The following FAM78B variants were observed in gnomAD, a reference collection of about 807,000 sequenced individuals.
The protein encoded by FAM78B is family with sequence similarity 78 member B.
FAM78B carries 10 observed loss-of-function variants against 20.0 expected under a neutral mutation model. That is an observed-to-expected ratio of 0.50 (90% CI 0.31 to 0.85). FAM78B has a LOEUF of 0.85. Among genes scored for constraint, FAM78B ranks in the 40% least tolerant of loss-of-function variants. The probability of loss-of-function intolerance (pLI) is 0.05; values close to 1 mark genes in which losing one functional copy is unlikely to be tolerated. For synonymous variants in FAM78B, 135 were observed against 132.8 expected, an observed-to-expected ratio of 1.02 and a Z score of -0.12; for missense variants, 283 against 345.0, an observed-to-expected ratio of 0.82 and a Z score of 1.42.
At position 166,078,927 on chromosome 1, in the gene FAM78B, G is replaced by GTT. The variant is rs11345450; in HGVS notation, c.264-8166_264-8165dup. On this transcript the variant is annotated intron_variant, in intron 1 of 1. Coordinates refer to ENST00000354422, the MANE Select transcript of FAM78B (RefSeq NM_001017961.5). ...GAGGAGCCCTGGCCTGGCCTTACAT[G>GTT]TTTTTTTTTTTTTTTTTCTTTAGAG... is the stretch of plus-strand genomic sequence containing the variant. Among the ~76,000 whole-genome samples, 467 of 135,338 alleles carry GTT rather than the reference G, an allele frequency of 3.5e-3. 3 individuals carry two copies. Among genetic ancestry groups the GTT allele is most frequent in the South Asian group, 0.018 (70 of 3,998 alleles). 88.8% of individuals were successfully genotyped at this position (135,338 alleles called of 152,430 possible). A position where few individuals can be genotyped will look rare whatever the true frequency, so the allele number is the denominator to read the frequency against.
At chr1:166,151,937 C>G (rs1264330755) in intron 1 of FAM78B, among the ~76,000 whole-genome samples, 3 of 152,198 alleles carry the variant, frequency 2.0e-5, no homozygotes, top group Non-Finnish European at 4.4e-5. Flanking sequence ...TTACCCCGGG[C>G]CCAACTCTCA....
chr1:166,085,721 A>G (rs1021049172), intron 1 of FAM78B, among the ~76,000 whole-genome samples: 1 of 152,170 alleles, frequency 6.6e-6, no homozygotes, highest in African/African-American at 2.4e-5. Flanking sequence ...ACAAGTGACT[A>G]TGACCAGAAA....
chr1:166,106,100 A>C (rs1475324315), intron 1 of FAM78B, among the ~76,000 whole-genome samples: 1 of 151,526 alleles, frequency 6.6e-6, no homozygotes, highest in African/African-American at 2.4e-5. Context: ...GCAAAGTATC[A>C]CAAGGACGAA....
At chr1:166,075,376 GAATA>G (rs1373399883) in intron 1 of FAM78B, among the ~76,000 whole-genome samples, 1 of 152,216 alleles carries the variant, frequency 6.6e-6, no homozygotes, top group East Asian at 1.9e-4. Flanking sequence ...AGAGACAAAA[GAATA>G]AATAAACAAA....
Position 166,104,417 on chromosome 1 carries a change from C to A in FAM78B, c.264-33654G>T, listed in dbSNP as rs573743177. On this transcript the variant is annotated intron_variant, in intron 1 of 1. Transcript: ENST00000354422. ...TAGGAAAAGAGGAAGTCAAATTGTC[C>A]CTGTTTGCAGGTGACATGATTGTAT... 2.0e-5 allele frequency among the ~76,000 whole-genome samples: 3 copies of A among 152,214 alleles called. No homozygotes were observed. The South Asian group carries it at 6.2e-4, about 32-fold the overall frequency.
chr1:166,091,895 T>C (rs1025316189), intron 1 of FAM78B, among the ~76,000 whole-genome samples: 1 of 152,190 alleles, frequency 6.6e-6, no homozygotes, highest in African/African-American at 2.4e-5. Flanking sequence ...CAACAGTTCA[T>C]AAGTGATGGA....
chr1:166,165,668 G>A (rs1424202206), intron 1 of FAM78B, among the ~76,000 whole-genome samples: 1 of 152,012 alleles, frequency 6.6e-6, no homozygotes, highest in Admixed American at 6.6e-5. Flanking sequence ...CCTGAAACTC[G>A]CCAGGCACTC....
chr1:166,067,801 T>C (rs1458784886), downstream of FAM78B, among the ~76,000 whole-genome samples: 1 of 152,230 alleles, frequency 6.6e-6, no homozygotes, highest in African/African-American at 2.4e-5. Flanking sequence ...ACAGTGCTTT[T>C]AACTTTCATA....
In FAM78B at chr1:166,166,035, G is replaced by C; in HGVS notation, c.214C>G (p.Gln72Glu). 2 of 1,614,020 alleles carry C rather than the reference G, an allele frequency of 1.2e-6. No homozygotes were observed. The highest frequency in any genetic ancestry group is 1.7e-6 in the Non-Finnish European group (2 of 1,180,016). The change falls in exon 1 of 2, where the codon CAG (glutamine) becomes GAG (glutamate). Residue 72 changes from glutamine (Q) to glutamate (E), a missense_variant. Transcript: ENST00000354422. ...RHETWVVGWI[Q>E]ACNQMEFFNT... ...AAGAACTCCATCTGATTGCACGCCT[G>C]AATCCAGCCCACCACCCAGGTCTCG... is the stretch of plus-strand genomic sequence containing the variant.
intron 1 of FAM78B, among the ~76,000 whole-genome samples, chr1:166,162,137 A>G (rs1435599682): frequency 6.6e-6 from 1 of 152,228 alleles, no homozygotes; most frequent in Non-Finnish European, 1.5e-5. Flanking sequence ...AGTCTCTCAA[A>G]AGTGTCTGAG....
At chr1:166,084,705 A>C (rs1652743641) in intron 1 of FAM78B, among the ~76,000 whole-genome samples, 1 of 152,112 alleles carries the variant, frequency 6.6e-6, no homozygotes, top group Non-Finnish European at 1.5e-5. Context: ...GCTCCTCCTG[A>C]ATGAGTCTCC....
chr1:166,128,364 C>T lies in FAM78B; in HGVS notation c.263+37622G>A, dbSNP rs967133058. The stretch of plus-strand genomic sequence containing the variant: ...AAAGAAGAGATGCAAAGGGCCATGG[C>T]AGAAGTCAGCAGGTGGACAGAGCCT... On this transcript the variant is annotated intron_variant, in intron 1 of 1. Coordinates refer to ENST00000354422, the MANE Select transcript of FAM78B (RefSeq NM_001017961.5). Among the ~76,000 whole-genome samples the T allele has an allele frequency of 2.6e-5, 4 of 152,200 alleles. No individual in the cohort carries two copies. The East Asian group carries it at 7.7e-4, about 29-fold the overall frequency.
chr1:166,166,276 G>C lies in FAM78B; in HGVS notation c.-28C>G. 1.6e-6 allele frequency: 2 copies of C among 1,273,996 alleles called. No homozygotes were observed. Among genetic ancestry groups the C allele is most frequent in the Admixed American group, 3.9e-5 (1 of 25,484 alleles). The allele number at this position is 1,273,996 out of a possible 1,614,324, so 78.9% of individuals were successfully genotyped here. A position where few individuals can be genotyped will look rare whatever the true frequency, so the allele number is the denominator to read the frequency against. On this transcript the variant is annotated 5_prime_UTR_variant, in exon 1 of 2. Coordinates refer to ENST00000354422, the MANE Select transcript of FAM78B (RefSeq NM_001017961.5). ...TGCAGCCCGGTGCCGGCACGGCGCG[G>C]CGTGGGGCAGCGCGGGGGCCCGCGC...
At position 166,166,140 on chromosome 1, in the gene FAM78B, TCTC is replaced by T; in HGVS notation, c.106_108del (p.Glu36del). On this transcript the variant is annotated inframe_deletion, in exon 1 of 2. Transcript: ENST00000354422. ...TTGTAGCGCAGGACGATGGGCGAGG[TCTC>T]CTCGATGCGCGTGGGGCACTGGTCG... 6.2e-7 allele frequency: 1 copy of T among 1,608,060 alleles called. No homozygotes were observed. The highest frequency in any genetic ancestry group is 8.5e-7 in the Non-Finnish European group (1 of 1,177,284).
At chr1:166,156,378 C>A (rs1655896874) in intron 1 of FAM78B, among the ~76,000 whole-genome samples, 1 of 152,200 alleles carries the variant, frequency 6.6e-6, no homozygotes, top group Non-Finnish European at 1.5e-5. Context: ...GTGCCCAATG[C>A]ACATGGCTCT....
chr1:166,062,972 A>G (rs1287246784), intron 2 of FAM78B, among the ~76,000 whole-genome samples: 1 of 152,210 alleles, frequency 6.6e-6, no homozygotes, highest in Non-Finnish European at 1.5e-5. Flanking sequence ...GGTTTTTCCT[A>G]GCGCCTTTCC....
intron 1 of FAM78B, among the ~76,000 whole-genome samples, chr1:166,159,577 T>C (rs1294453930): frequency 6.6e-6 from 1 of 152,118 alleles, no homozygotes; most frequent in Admixed American, 6.5e-5. Context: ...GACCTGCCCC[T>C]AAAACAGCAT....
downstream of FAM78B, among the ~76,000 whole-genome samples, chr1:166,066,912 T>C (rs1651815180): frequency 6.6e-6 from 1 of 152,152 alleles, no homozygotes; most frequent in Non-Finnish European, 1.5e-5. Context: ...TGGCTAGGTA[T>C]GTGAGCTACA....
At position 166,144,991 on chromosome 1, in the gene FAM78B, C is replaced by CTA. The variant is rs1655406818; in HGVS notation, c.263+20993_263+20994dup. On this transcript the variant is annotated intron_variant, in intron 1 of 1. Transcript: ENST00000354422. ...GAGGGTTGGGAGGACTCACCACCAC[C>CTA]TACCAGACTTGACTATCATTTTAAA... Among the ~76,000 whole-genome samples the CTA allele has an allele frequency of 2.6e-5, 4 of 152,276 alleles. No homozygotes were observed. The South Asian group carries it at 8.3e-4, about 32-fold the overall frequency.
Sources: gnomAD v4.1 joint callset for allele counts (sites outside exome capture counted in the v4.1 genomes callset) on GRCh38, gnomAD v4.1.1 for gene constraint, MANE v1.5 for transcripts, NCBI Gene and HGNC (gene_info 2026-07-23, HGNC 2026-07-21) for gene names.